The following ITSN2 variants were observed in gnomAD, a reference collection of about 807,000 sequenced individuals.
ITSN2 encodes the protein intersectin 2.
In ITSN2, 156 loss-of-function variants were observed where a neutral mutation model predicts 243.7. The observed-to-expected ratio is 0.64, with a 90% CI of 0.56 to 0.73. The LOEUF is 0.73. Ranked by LOEUF, ITSN2 falls within the 30% of genes least tolerant of loss-of-function variation. The pLI, the probability that ITSN2 is intolerant of heterozygous loss-of-function variation, is 0.00. For missense variants in ITSN2, 1,801 were observed against 1,996.1 expected (o/e 0.90, Z 1.86); for synonymous variants, 703 against 699.9 (o/e 1.00, Z -0.07).
At chr2:24,261,818 T>C (rs1675914714) in intron 20 of ITSN2, 76 bp from the exon 21 acceptor site, 1 of 1,063,464 alleles carries the variant, frequency 9.4e-7, no homozygotes, top group Non-Finnish European at 1.4e-6. Context: ...AAAACTATTG[T>C]ATAGTATTCT....
chr2:24,238,919 CACAAT>C (rs1378139742), intron 29 of ITSN2: 3 of 152,098 alleles, frequency 2.0e-5, no homozygotes, highest in South Asian at 4.1e-4. Flanking sequence ...AAAAGAAATA[CACAAT>C]ACAACTAATA....
Position 24,203,511 on chromosome 2 carries a change from TG to T in ITSN2, c.*114del. On this transcript the variant is annotated 3_prime_UTR_variant, in exon 40 of 40. Coordinates refer to ENST00000355123, the MANE Select transcript of ITSN2 (RefSeq NM_006277.3). Reference sequence around the variant, plus strand: ...AGGAAAACAGAGCCCCCAGCGTGCATGGCTTTGTGAGGGGTGAAGCTGCATG... The same window carrying T: ...AGGAAAACAGAGCCCCCAGCGTGCATGCTTTGTGAGGGGTGAAGCTGCATG... The T allele has an allele frequency of 9.5e-7, 1 of 1,049,638 alleles. No individual in the cohort carries two copies. Among genetic ancestry groups the T allele is most frequent in the Non-Finnish European group, 1.4e-6 (1 of 737,872 alleles). The allele number at this position is 1,049,638 out of a possible 1,614,324, so 65.0% of individuals were successfully genotyped here.
At chr2:24,285,816 CA>C (rs1679426611) in intron 16 of ITSN2, among the ~76,000 whole-genome samples, 1 of 152,114 alleles carries the variant, frequency 6.6e-6, no homozygotes, top group South Asian at 2.1e-4. Context: ...CACAAGGAAA[CA>C]AAATAAAAAC....
chr2:24,315,032 C>T (rs534378881), intron 3 of ITSN2, 100 bp downstream of exon 3: 2 of 491,044 alleles, frequency 4.1e-6, no homozygotes, highest in East Asian at 3.2e-5. Context: ...TGAATTTTAT[C>T]GTTTATTAAC....
At chr2:24,245,710 C>T (rs780501313) in intron 29 of ITSN2, among the ~76,000 whole-genome samples, 1 of 152,124 alleles carries the variant, frequency 6.6e-6, no homozygotes, top group Non-Finnish European at 1.5e-5. Context: ...AATTCCTGGG[C>T]TTAAGGGATC....
At chr2:24,296,701 T>G (rs1553376621) in intron 13 of ITSN2, among the ~76,000 whole-genome samples, 1 of 152,172 alleles carries the variant, frequency 6.6e-6, no homozygotes, top group Non-Finnish European at 1.5e-5. Context: ...AAAAATTAAT[T>G]TCTGTTGTTT....
intron 39 of ITSN2, 58 bp from the exon 40 acceptor site, chr2:24,203,841 G>A (rs1362900238): frequency 6.6e-7 from 1 of 1,507,516 alleles, no homozygotes; most frequent in Non-Finnish European, 9.0e-7. Context: ...TCATTAAAGA[G>A]CTACATCCGG....
intron 1 of ITSN2, among the ~76,000 whole-genome samples, chr2:24,331,188 C>T (rs1685744360): frequency 6.6e-6 from 1 of 151,670 alleles, no homozygotes; most frequent in Admixed American, 6.6e-5. Context: ...TCTCCTGCCT[C>T]AGCTTCCCAA....
At position 24,209,967 on chromosome 2, in the gene ITSN2, A is replaced by G. The variant is rs773581166; in HGVS notation, c.4324T>C (p.Tyr1442His). 1 of 1,614,198 alleles carries G rather than the reference A, an allele frequency of 6.2e-7. No individual in the cohort carries two copies. Among genetic ancestry groups the G allele is most frequent in the Admixed American group, 1.7e-5 (1 of 60,024 alleles). Residue 1442 changes from tyrosine (Y) to histidine (H), a missense_variant, in exon 35 of 40, where the codon TAC becomes CAC. Coordinates refer to ENST00000355123, the MANE Select transcript of ITSN2 (RefSeq NM_006277.3). ...AGTTCCTTGTTGCTCTTGGTCTTGT[A>G]TAATTTCCCACTGTGTAAGAGCTTC... ...PRKLLHSGKL[Y>H]KTKSNKELHG...
At chr2:24,333,561 G>T (rs1166647660) in intron 1 of ITSN2, among the ~76,000 whole-genome samples, 3 of 152,060 alleles carry the variant, frequency 2.0e-5, no homozygotes, top group Non-Finnish European at 4.4e-5. Flanking sequence ...AGTTATGTAT[G>T]GTTTTTAGAA....
chr2:24,302,240 T>C lies in ITSN2; in HGVS notation c.858-138A>G, dbSNP rs532986464. 33 of 413,486 alleles carry C rather than the reference T, an allele frequency of 8.0e-5. No individual in the cohort carries two copies. The Admixed American group carries it at 1.5e-3, about 18-fold the overall frequency. 25.6% of individuals were successfully genotyped at this position (413,486 alleles called of 1,614,324 possible). A position where few individuals can be genotyped will look rare whatever the true frequency, so the allele number is the denominator to read the frequency against. ...TTGAGATGGAGTCTAGCTCTGTCGC[T>C]CAACCTGGAGTGCAGTGGCGCGATC... On this transcript the variant is annotated intron_variant, in intron 9 of 39. Coordinates refer to ENST00000355123, the MANE Select transcript of ITSN2 (RefSeq NM_006277.3).
chr2:24,330,026 G>A (rs1461436836), intron 1 of ITSN2, among the ~76,000 whole-genome samples: 1 of 152,174 alleles, frequency 6.6e-6, no homozygotes, highest in Admixed American at 6.5e-5. Flanking sequence ...GCAGTAGCAA[G>A]GGCCCTTATT....
chr2:24,318,353 C>T (rs1484146050), intron 2 of ITSN2, among the ~76,000 whole-genome samples: 2 of 152,088 alleles, frequency 1.3e-5, no homozygotes, highest in African/African-American at 4.8e-5. Context: ...ACTATGCTGC[C>T]AAGGCTGGTC....
intron 20 of ITSN2, among the ~76,000 whole-genome samples, chr2:24,266,920 G>A (rs1676722173): frequency 6.6e-6 from 1 of 151,990 alleles, no homozygotes; most frequent in Non-Finnish European, 1.5e-5. Flanking sequence ...CTGGGTAACA[G>A]ATTGAGACCC....
Position 24,339,125 on chromosome 2 carries a change from C to T in ITSN2, c.-33-11010G>A, listed in dbSNP as rs553843222. On this transcript the variant is annotated intron_variant, in intron 1 of 39. Transcript: ENST00000355123. Reference sequence around the variant, plus strand: ...ACAAGAGCCAGTGTAACACCAAAACCACTCCTACTCGTATTCAAAAACTGT... The same window carrying T: ...ACAAGAGCCAGTGTAACACCAAAACTACTCCTACTCGTATTCAAAAACTGT... 2.0e-5 allele frequency among the ~76,000 whole-genome samples: 3 copies of T among 152,198 alleles called. No homozygotes were observed. In the South Asian group the frequency reaches 6.2e-4, roughly 32 times the overall value.
At position 24,204,122 on chromosome 2, in the gene ITSN2, A is replaced by C; in HGVS notation, c.4936+123T>G. On this transcript the variant is annotated intron_variant, in intron 39 of 39. Coordinates refer to ENST00000355123, the MANE Select transcript of ITSN2 (RefSeq NM_006277.3). This position sits in a 1 kb window ranked among gnomAD's most constrained non-coding sequence, Gnocchi z 5.1. ...CCACCTGCTGCCAAAGCGAGATGAC[A>C]CAGGCCTGTGTCACTTCCCTGAAGT... 2.1e-6 allele frequency: 2 copies of C among 949,212 alleles called. No homozygotes were observed. The highest frequency in any genetic ancestry group is 3.2e-6 in the Non-Finnish European group (2 of 618,652). The allele number at this position is 949,212 out of a possible 1,614,324, so 58.8% of individuals were successfully genotyped here. A position where few individuals can be genotyped will look rare whatever the true frequency, so the allele number is the denominator to read the frequency against.
At chr2:24,259,167 G>T (rs1675470861) in intron 22 of ITSN2, among the ~76,000 whole-genome samples, 1 of 152,242 alleles carries the variant, frequency 6.6e-6, no homozygotes, top group South Asian at 2.1e-4. Flanking sequence ...CATTCCTCCT[G>T]CACTGTCTAC....
At chr2:24,215,495 C>A (rs1317481697) in intron 32 of ITSN2, among the ~76,000 whole-genome samples, 4 of 151,888 alleles carry the variant, frequency 2.6e-5, no homozygotes, top group African/African-American at 9.7e-5. Context: ...GGTGAAACCC[C>A]GTCTCTACTA....
intron 29 of ITSN2, among the ~76,000 whole-genome samples, chr2:24,242,702 AAC>A (rs1672870543): frequency 6.6e-6 from 1 of 152,192 alleles, no homozygotes; most frequent in Non-Finnish European, 1.5e-5. Flanking sequence ...AGATAATTTA[AAC>A]AGTTGTTTTA....
Sources: allele counts gnomAD v4.1 joint callset (sites outside exome capture counted in the v4.1 genomes callset), GRCh38; gene constraint gnomAD v4.1.1; non-coding constraint Gnocchi (gnomAD v3.1); transcripts MANE v1.5; gene names NCBI Gene and HGNC (gene_info 2026-07-23, HGNC 2026-07-21).